Variants in IFT46 observed in about 807,000 individuals in gnomAD.
IFT46 encodes intraflagellar transport protein 46 homolog.
Under a neutral mutation model 39.6 loss-of-function variants are expected in IFT46, and 19 were observed. The ratio of observed to expected loss-of-function variants is 0.48; its 90% CI spans 0.33 to 0.70. IFT46 has a LOEUF of 0.70. Ranked by LOEUF, IFT46 falls within the 30% of genes least tolerant of loss-of-function variation. The probability of loss-of-function intolerance (pLI) is 0.01; values close to 1 mark genes in which losing one functional copy is unlikely to be tolerated. For synonymous variants in IFT46, 117 were observed against 134.8 expected, an observed-to-expected ratio of 0.87 and a Z score of 0.91; for missense variants, 334 against 364.8, an observed-to-expected ratio of 0.92 and a Z score of 0.69.
chr11:118,567,127 A>G (rs147069083), upstream of IFT46, among the ~76,000 whole-genome samples: 2,061 of 152,004 alleles, frequency 0.014, 45 homozygotes, highest in African/African-American at 0.042. Context: ...GGTGGCACGC[A>G]CCTATAGTGC....
chr11:118,546,379 T>C (rs1951686795), intron 9 of IFT46: 3 of 502,544 alleles, frequency 6.0e-6, no homozygotes, highest in Non-Finnish European at 1.1e-5. Flanking sequence ...TAGTCCCAGC[T>C]ACTTGGGAGG....
chr11:118,553,825 G>A (rs2135490672), intron 7 of IFT46, among the ~76,000 whole-genome samples: 1 of 152,318 alleles, frequency 6.6e-6, no homozygotes, highest in East Asian at 1.9e-4. Context: ...ATAATTACCA[G>A]GGTCTAGGAG....
At position 118,556,939 on chromosome 11, in the gene IFT46, T is replaced by G. The variant is rs781800690; in HGVS notation, c.152A>C (p.Asp51Ala). ...AGGGGCTCCATGCTCTTCATCATCATCATCAGAATCAGAATCAGTTTCAGA... is the reference window on the plus strand; with the variant it reads ...AGGGGCTCCATGCTCTTCATCATCAGCATCAGAATCAGAATCAGTTTCAGA... ...DSSETDSDSDDDDEEHGAPLE... is the reference protein window; with the variant it reads ...DSSETDSDSDADDEEHGAPLE... The change falls in exon 4 of 12, where the codon GAT (aspartate) becomes GCT (alanine). Residue 51 changes from aspartate (D) to alanine (A), a missense_variant. Transcript: ENST00000264021. 1 of 1,609,750 alleles carries G rather than the reference T, an allele frequency of 6.2e-7. No individual in the cohort carries two copies. Among genetic ancestry groups the G allele is most frequent in the East Asian group, 2.2e-5 (1 of 44,704 alleles).
intron 2 of IFT46, among the ~76,000 whole-genome samples, chr11:118,562,755 C>T (rs1046728899): frequency 6.6e-6 from 1 of 152,152 alleles, no homozygotes; most frequent in Non-Finnish European, 1.5e-5. Context: ...TGTCCATTAA[C>T]AAATGAATGA....
intron 5 of IFT46, 52 bp from the exon 6 acceptor site, chr11:118,555,135 C>A: frequency 6.5e-7 from 1 of 1,541,764 alleles, no homozygotes; most frequent in Non-Finnish European, 9.0e-7. Context: ...AGTTACTTTA[C>A]TATTCAGGCT....
chr11:118,572,316 G>T (rs1007013994), intron 1 of IFT46: 1 of 510,804 alleles, frequency 2.0e-6, no homozygotes, highest in Non-Finnish European at 3.5e-6. Context: ...ACCGGAGCGG[G>T]GTACCCTCAA....
In IFT46 at chr11:118,557,102, A is replaced by G. The variant is rs527509396; in HGVS notation, c.46-57T>C. 6.1e-6 allele frequency: 9 copies of G among 1,468,580 alleles called. No homozygotes were observed. In the African/African-American group the frequency reaches 1.1e-4, roughly 18 times the overall value. 91.0% of individuals were successfully genotyped at this position (1,468,580 alleles called of 1,614,324 possible). A position where few individuals can be genotyped will look rare whatever the true frequency, so the allele number is the denominator to read the frequency against. ...TCAAGTAAAAAAATCAAATGTACCT[A>G]TGCCCAGTTCTCTATTGCTCTAACC... is the stretch of plus-strand genomic sequence containing the variant. On this transcript the variant is annotated intron_variant, in intron 3 of 11. Coordinates refer to ENST00000264021, the MANE Select transcript of IFT46 (RefSeq NM_001168618.2).
At chr11:118,545,690 G>A in intron 10 of IFT46, 103 bp downstream of exon 10, 1 of 1,328,100 alleles carries the variant, frequency 7.5e-7, no homozygotes, top group Non-Finnish European at 1.1e-6. Flanking sequence ...TAAAGTGAAG[G>A]CTGAAACTCA....
At chr11:118,567,569 C>G (rs1555071727), upstream of IFT46, among the ~76,000 whole-genome samples, 1 of 152,100 alleles carries the variant, frequency 6.6e-6, no homozygotes, top group Non-Finnish European at 1.5e-5. Flanking sequence ...GGGCGAGACT[C>G]CGTCTCAAAA....
upstream of IFT46, among the ~76,000 whole-genome samples, chr11:118,569,145 C>A (rs868938035): frequency 1.3e-5 from 2 of 151,404 alleles, no homozygotes; most frequent in South Asian, 4.2e-4. Context: ...CAGGCGTGGT[C>A]GTCCATGCCT....
chr11:118,573,614 C>A, upstream of IFT46: 2 of 694,938 alleles, frequency 2.9e-6, no homozygotes, highest in South Asian at 3.0e-5. Context: ...ATTCTTTTGT[C>A]AATAGATAAC....
chr11:118,550,797 G>A (rs11216889), intron 9 of IFT46, among the ~76,000 whole-genome samples: 17,822 of 152,166 alleles, frequency 0.12, 1,783 homozygotes, highest in East Asian at 0.49. Context: ...GGGAGGCAGA[G>A]GCGGGTGGAT....
chr11:118,544,792 C>A lies in IFT46; in HGVS notation c.*124G>T. ...CCCTCTGGCAGAGAGGGCAGCAGGA[C>A]ATGCACTGCCCCTGAGCCAAGCTGT... On this transcript the variant is annotated 3_prime_UTR_variant, in exon 12 of 12. Coordinates refer to ENST00000264021, the MANE Select transcript of IFT46 (RefSeq NM_001168618.2). 1 of 690,438 alleles carries A rather than the reference C, an allele frequency of 1.4e-6. No homozygotes were observed. 42.8% of individuals were successfully genotyped at this position (690,438 alleles called of 1,614,324 possible).
intron 4 of IFT46, among the ~76,000 whole-genome samples, chr11:118,556,155 C>T (rs1311543253): frequency 6.6e-6 from 1 of 151,966 alleles, no homozygotes; most frequent in Non-Finnish European, 1.5e-5. Flanking sequence ...CCCGAGCAGC[C>T]GGGACTATGG....
At chr11:118,554,403 G>A (rs1937756656) in intron 7 of IFT46, 56 bp downstream of exon 7, 4 of 1,506,364 alleles carry the variant, frequency 2.7e-6, no homozygotes, top group South Asian at 1.3e-5. Flanking sequence ...TGCCAGCAAG[G>A]CCTCCTCCAC....
At chr11:118,563,064 C>CA (rs797043654) in intron 2 of IFT46, among the ~76,000 whole-genome samples, 2,499 of 110,364 alleles carry the variant, frequency 0.023, 51 homozygotes, top group African/African-American at 0.07. Flanking sequence ...AATTCAGTCT[C>CA]AAAAAAAAAA....
At chr11:118,547,742 T>C (rs1237474373) in intron 9 of IFT46, among the ~76,000 whole-genome samples, 1 of 114,092 alleles carries the variant, frequency 8.8e-6, no homozygotes, top group Non-Finnish European at 1.9e-5. Flanking sequence ...TTCTTTTCTT[T>C]TCTTTTTTTT....
At position 118,552,314 on chromosome 11, in the gene IFT46, G is replaced by A. The variant is rs782780647; in HGVS notation, c.505C>T (p.Leu169=). 1 of 1,614,162 alleles carries A rather than the reference G, an allele frequency of 6.2e-7. No individual in the cohort carries two copies. Among genetic ancestry groups the A allele is most frequent in the Non-Finnish European group, 8.5e-7 (1 of 1,180,020 alleles). ...NITQHMKVKS[L]EDAEKNPKAI... ...TTGGGATTCTTTTCTGCATCTTCTA[G>A]GCTTTTTACTTTCATATGTTGCTAG... Residue 169 remains leucine (L), a synonymous_variant, in exon 8 of 12, where the codon CTA becomes TTA. Coordinates refer to ENST00000264021, the MANE Select transcript of IFT46 (RefSeq NM_001168618.2).
intron 9 of IFT46, among the ~76,000 whole-genome samples, chr11:118,551,381 AAATT>A (rs1292036247): frequency 6.6e-6 from 1 of 151,708 alleles, no homozygotes; most frequent in Non-Finnish European, 1.5e-5. Context: ...TCAACAAAAA[AAATT>A]AATGATCGCT....
Sources: gnomAD v4.1 joint callset for allele counts (sites outside exome capture counted in the v4.1 genomes callset) on GRCh38, gnomAD v4.1.1 for gene constraint, MANE v1.5 for transcripts, NCBI Gene and HGNC (gene_info 2026-07-23, HGNC 2026-07-21) for gene names.